Variants in SLC26A7 observed in about 807,000 individuals in gnomAD.
SLC26A7 encodes the protein solute carrier family 26 member 7, also known as anion exchange transporter.
A neutral mutation model predicts 82.5 loss-of-function variants in SLC26A7; 59 were observed. The observed-to-expected ratio is 0.72, with a 90% CI of 0.58 to 0.89. The LOEUF is 0.89. Among genes scored for constraint, SLC26A7 ranks in the 40% least tolerant of loss-of-function variants. SLC26A7 has a pLI of 0.00. For missense variants in SLC26A7, 820 were observed against 793.0 expected (o/e 1.03, Z -0.41); for synonymous variants, 271 against 274.3 (o/e 0.99, Z 0.12).
rs760801322 is a variant in SLC26A7, at chr8:91,242,084, G to A, written c.-33-7535G>A. Among the ~76,000 whole-genome samples, 52 of 152,244 alleles carry A rather than the reference G, an allele frequency of 3.4e-4. 1 individual carries two copies. Among genetic ancestry groups the A allele is most frequent in the Non-Finnish European group, 6.8e-4 (46 of 68,002 alleles). ...CATTTTTCTTCTGAGTAACACAATAGTTTTGAATATTTCATTTTTTTTCTC... is the reference window on the plus strand; with the variant it reads ...CATTTTTCTTCTGAGTAACACAATAATTTTGAATATTTCATTTTTTTTCTC... On this transcript the variant is annotated intron_variant, in intron 2 of 5. Coordinates refer to the SLC26A7 transcript ENST00000522862.
At chr8:91,257,625 T>TAA (rs112419634) in intron 2 of SLC26A7, among the ~76,000 whole-genome samples, 1 of 148,836 alleles carries the variant, frequency 6.7e-6, no homozygotes, top group Non-Finnish European at 1.5e-5. Flanking sequence ...AATAAAAAAA[T>TAA]AAAAAAAAAA....
At chr8:91,358,329 CTTT>C (rs71273702) in intron 11 of SLC26A7, among the ~76,000 whole-genome samples, 9 of 133,326 alleles carry the variant, frequency 6.8e-5, no homozygotes, top group East Asian at 2.1e-4. Context: ...TTTTCTTTTT[CTTT>C]TTTTTTTTTT....
At chr8:91,379,083 G>A (rs1814597513) in intron 15 of SLC26A7, among the ~76,000 whole-genome samples, 1 of 151,064 alleles carries the variant, frequency 6.6e-6, no homozygotes, top group African/African-American at 2.4e-5. Flanking sequence ...AATCTTAGAA[G>A]TGAATTTAAA....
intron 7 of SLC26A7, 91 bp downstream of exon 7, chr8:91,338,323 C>T (rs1586427579): frequency 1.3e-6 from 1 of 750,142 alleles, no homozygotes; most frequent in South Asian, 2.4e-5. Flanking sequence ...ATGGATATTT[C>T]ATTTCTTAAT....
At chr8:91,285,802 C>CAATAAA (rs1326363094) in intron 2 of SLC26A7, among the ~76,000 whole-genome samples, 1 of 152,128 alleles carries the variant, frequency 6.6e-6, no homozygotes, top group East Asian at 1.9e-4. Context: ...TCTGATCTTA[C>CAATAAA]AATAAAAAGG....
chr8:91,386,502 G>C (rs1466112636), intron 15 of SLC26A7, among the ~76,000 whole-genome samples: 1 of 152,142 alleles, frequency 6.6e-6, no homozygotes, highest in Non-Finnish European at 1.5e-5. Flanking sequence ...ACATCAATTT[G>C]TGTCATCATT....
intron 2 of SLC26A7, among the ~76,000 whole-genome samples, chr8:91,256,575 C>G (rs1810809277): frequency 6.6e-6 from 1 of 152,008 alleles, no homozygotes; most frequent in Non-Finnish European, 1.5e-5. Flanking sequence ...CTACAGTTTC[C>G]CAGGACCTCC....
intron 2 of SLC26A7, among the ~76,000 whole-genome samples, chr8:91,234,160 C>T (rs1051732485): frequency 3.3e-5 from 5 of 152,068 alleles, no homozygotes; most frequent in African/African-American, 1.2e-4. Context: ...CTGTTTTTTT[C>T]ATGCCCTTTG....
At chr8:91,367,396 T>G (rs528786546) in intron 14 of SLC26A7, among the ~76,000 whole-genome samples, 11 of 152,344 alleles carry the variant, frequency 7.2e-5, no homozygotes, top group African/African-American at 2.6e-4. Context: ...ACGCATAAAC[T>G]GTTGCAATCA....
chr8:91,378,341 A>G (rs574640975), intron 15 of SLC26A7, among the ~76,000 whole-genome samples: 111 of 147,906 alleles, frequency 7.5e-4, no homozygotes, highest in African/African-American at 2.4e-3. Context: ...TAAATGAAAT[A>G]TATAATTACA....
At chr8:91,394,743 A>G in intron 18 of SLC26A7, 1 of 1,095,136 alleles carries the variant, frequency 9.1e-7, no homozygotes, top group Non-Finnish European at 1.1e-6. Flanking sequence ...TTCCAGGAAT[A>G]TTCTAAAAGC....
At chr8:91,394,682 T>G (rs1298326969) in intron 18 of SLC26A7, 1 of 1,095,740 alleles carries the variant, frequency 9.1e-7, no homozygotes, top group Non-Finnish European at 1.1e-6. Context: ...TACAAAATAA[T>G]AATAACACTA....
At chr8:91,316,490 T>C (rs1184952469) in intron 4 of SLC26A7, among the ~76,000 whole-genome samples, 1 of 84,298 alleles carries the variant, frequency 1.2e-5, no homozygotes, top group Admixed American at 1.6e-4. Flanking sequence ...TTTTTTTTTT[T>C]AGGAGACATG....
At chr8:91,348,481 G>T (rs1393070877) in intron 9 of SLC26A7, 9 of 435,334 alleles carry the variant, frequency 2.1e-5, no homozygotes, top group Non-Finnish European at 2.4e-5. Flanking sequence ...AACATAACAA[G>T]AATAAAATAT....
intron 2 of SLC26A7, among the ~76,000 whole-genome samples, chr8:91,227,668 C>G (rs1810256012): frequency 6.6e-6 from 1 of 152,048 alleles, no homozygotes; most frequent in African/African-American, 2.4e-5. Context: ...ATAATCAAAG[C>G]AATAAACCAT....
intron 4 of SLC26A7, among the ~76,000 whole-genome samples, chr8:91,310,109 T>G (rs1233246840): frequency 6.6e-6 from 1 of 151,986 alleles, no homozygotes; most frequent in Admixed American, 6.6e-5. Flanking sequence ...CCAATTATTA[T>G]TTTAGAGAAA....
rs979117449 is a variant in SLC26A7 at position 91,262,441 on chromosome 8, C to T, written c.193+12597C>T. ...AGATCTGTGTTTTCTAATTTTCTAC[C>T]CAGCGTCTGAGCAGTCTTCAGATTT... On this transcript the variant is annotated intron_variant, in intron 2 of 18. Coordinates refer to ENST00000276609, the MANE Select transcript of SLC26A7 (RefSeq NM_052832.4). Among the ~76,000 whole-genome samples the T allele has an allele frequency of 3.3e-5, 5 of 151,874 alleles. 1 individual carries two copies.
intron 2 of SLC26A7, among the ~76,000 whole-genome samples, chr8:91,275,402 G>T (rs1273943648): frequency 6.6e-6 from 1 of 152,128 alleles, no homozygotes; most frequent in Non-Finnish European, 1.5e-5. Flanking sequence ...AGTCTCAAAT[G>T]ATCCTCCCAC....
intron 1 of SLC26A7, among the ~76,000 whole-genome samples, chr8:91,211,272 T>C (rs1303993458): frequency 6.6e-6 from 1 of 152,004 alleles, no homozygotes; most frequent in African/African-American, 2.4e-5. Context: ...GCTAATAATA[T>C]CTAGTAAGTA....
Sources: gnomAD v4.1 joint callset for allele counts (sites outside exome capture counted in the v4.1 genomes callset) on GRCh38, gnomAD v4.1.1 for gene constraint, MANE v1.5 for transcripts, NCBI Gene and HGNC (gene_info 2026-07-23, HGNC 2026-07-21) for gene names.